Variants in PAQR6 observed in about 807,000 individuals in gnomAD.
PAQR6 encodes progestin and adipoQ receptor family member 6.
A neutral mutation model predicts 36.2 loss-of-function variants in PAQR6; 34 were observed. The ratio of observed to expected loss-of-function variants is 0.94; its 90% CI spans 0.71 to 1.25. The LOEUF (loss-of-function observed/expected upper bound fraction) is 1.25. Among genes scored for constraint, PAQR6 ranks in the 50% most tolerant of loss-of-function variants. The pLI is 0.00. For synonymous variants in PAQR6, 190 were observed against 190.7 expected (o/e 1.00, Z 0.03); for missense variants, 431 against 445.7 (o/e 0.97, Z 0.30).
rs1389268950 is a variant in PAQR6 at position 156,244,824 on chromosome 1, T to C, written c.697A>G (p.Thr233Ala). ...AGGTGGGAGGCGAAGAGGAAGCCAGTGAGCAGCGCGCAGAAGAGATGGTAG... is the reference window on the plus strand; with the variant it reads ...AGGTGGGAGGCGAAGAGGAAGCCAGCGAGCAGCGCGCAGAAGAGATGGTAG... ...HGYHLFCALL[T>A]GFLFASHLPE... Residue 233 changes from threonine to alanine, a missense_variant, in exon 7 of 8, where the codon ACT becomes GCT. Coordinates refer to ENST00000292291, the MANE Select transcript of PAQR6 (RefSeq NM_198406.3). 6.2e-7 allele frequency: 1 copy of C among 1,613,518 alleles called. No homozygotes were observed. Among genetic ancestry groups the C allele is most frequent in the Admixed American group, 1.7e-5 (1 of 60,018 alleles).
chr1:156,245,463 G>C lies in PAQR6; in HGVS notation c.512+72C>G, dbSNP rs953113645. The stretch of plus-strand genomic sequence containing the variant: ...GGTCCCGATGCCTCCAGTGCTGTTC[G>C]AGAGCAGTGAGGTGTGTCCTCTCCT... On this transcript the variant is annotated intron_variant, in intron 5 of 7. Transcript: ENST00000292291. 1.0e-5 allele frequency: 16 copies of C among 1,584,568 alleles called. No homozygotes were observed. In the East Asian group the frequency reaches 1.6e-4, roughly 16 times the overall value.
At chr1:156,245,113 G>A (rs1221438915) in intron 6 of PAQR6, 29 bp downstream of exon 6, 3 of 1,607,938 alleles carry the variant, frequency 1.9e-6, no homozygotes, top group African/African-American at 2.7e-5. Flanking sequence ...GAAAGCAGGA[G>A]TCTGGGCAGG....
chr1:156,243,439 A>C lies in PAQR6; in HGVS notation c.*690T>G. ...GTGCTTTCCAAAGTTTTATTTTTTT[A>C]TTTGTACCTGCCTTGTTCCAGAAAA... On this transcript the variant is annotated 3_prime_UTR_variant, in exon 8 of 8. Coordinates refer to ENST00000292291, the MANE Select transcript of PAQR6 (RefSeq NM_198406.3). 1 of 499,554 alleles carries C rather than the reference A, an allele frequency of 2.0e-6. No individual in the cohort carries two copies. Among genetic ancestry groups the C allele is most frequent in the Non-Finnish European group, 3.5e-6 (1 of 288,468 alleles). The allele number at this position is 499,554 out of a possible 1,614,324, so 30.9% of individuals were successfully genotyped here. A position where few individuals can be genotyped will look rare whatever the true frequency, so the allele number is the denominator to read the frequency against.
At chr1:156,247,134 C>T (rs1056729446) in intron 1 of PAQR6, among the ~76,000 whole-genome samples, 1 of 152,232 alleles carries the variant, frequency 6.6e-6, no homozygotes, top group African/African-American at 2.4e-5. Flanking sequence ...GAGTACCACT[C>T]CCTTTCCCAC....
chr1:156,245,085 C>A, intron 6 of PAQR6, 57 bp downstream of exon 6: 1 of 1,603,864 alleles, frequency 6.2e-7, no homozygotes, highest in South Asian at 1.1e-5. Flanking sequence ...GAAGTGGGCA[C>A]CTTGAGGGTC....
chr1:156,243,705 G>T lies in PAQR6; in HGVS notation c.*424C>A. On this transcript the variant is annotated 3_prime_UTR_variant, in exon 8 of 8. Transcript: ENST00000292291. ...GGGGGGGCAAGTGTGTGGCCTCTCG[G>T]CCTGGTTAGCAAGAAGCATTCAGGG... is the stretch of plus-strand genomic sequence containing the variant. The T allele has an allele frequency of 2.1e-6, 2 of 967,294 alleles. No individual in the cohort carries two copies. The highest frequency in any genetic ancestry group is 3.0e-6 in the Non-Finnish European group (2 of 662,676). The allele number at this position is 967,294 out of a possible 1,614,324, so 59.9% of individuals were successfully genotyped here. A position where few individuals can be genotyped will look rare whatever the true frequency, so the allele number is the denominator to read the frequency against.
intron 2 of PAQR6, 86 bp from the exon 3 acceptor site, chr1:156,246,336 G>T: frequency 7.7e-7 from 1 of 1,302,868 alleles, no homozygotes. Context: ...GGTCAAAGAG[G>T]CTGGGCTGGA....
intron 2 of PAQR6, 111 bp from the exon 3 acceptor site, chr1:156,246,361 C>T (rs919098268): frequency 2.0e-6 from 2 of 997,108 alleles, no homozygotes; most frequent in African/African-American, 3.2e-5. Context: ...AACGTGGCCC[C>T]CAAGCCAAAC....
intron 2 of PAQR6, 27 bp from the exon 3 acceptor site, chr1:156,246,277 C>CG (rs765223299): frequency 6.3e-7 from 1 of 1,577,990 alleles, no homozygotes; most frequent in Non-Finnish European, 8.7e-7. Context: ...AGAGGAAGGG[C>CG]GTCACTGTGC....
chr1:156,247,479 C>T (rs1339355785), intron 1 of PAQR6: 1 of 152,712 alleles, frequency 6.5e-6, no homozygotes, highest in African/African-American at 2.4e-5. Flanking sequence ...GACACTCCCC[C>T]CACCTCCCCA....
In PAQR6 at chr1:156,245,190, T is replaced by C; in HGVS notation, c.561A>G (p.Gly187=). The change falls in exon 6 of 8, where the codon GGA becomes GGG. Residue 187 remains glycine, a synonymous_variant. Transcript: ENST00000292291. The stretch of plus-strand genomic sequence containing the variant: ...CGAACAGGAATGGATAGGCGAAGGC[T>C]CCTGTGCGGAGGACCTTACTGAGCC... ...SPGLSKVLRT[G]AFAYPFLFDN... 1 of 1,614,010 alleles carries C rather than the reference T, an allele frequency of 6.2e-7. No individual in the cohort carries two copies. The highest frequency in any genetic ancestry group is 8.5e-7 in the Non-Finnish European group (1 of 1,180,014).
chr1:156,247,093 T>C, intron 1 of PAQR6, among the ~76,000 whole-genome samples: 1 of 152,192 alleles, frequency 6.6e-6, no homozygotes, highest in Non-Finnish European at 1.5e-5. Flanking sequence ...GGAAGAATCC[T>C]GACTCCTGGA....
At position 156,244,053 on chromosome 1, in the gene PAQR6, A is replaced by G; in HGVS notation, c.*76T>C. On this transcript the variant is annotated 3_prime_UTR_variant, in exon 8 of 8. Transcript: ENST00000292291. ...GGCTGAGATGCGTCCCCACCTGATT[A>G]GGCCCAAATCTGGGCTCCTCGTCAG... The G allele has an allele frequency of 6.2e-7, 1 of 1,613,982 alleles. No individual in the cohort carries two copies. Among genetic ancestry groups the G allele is most frequent in the Non-Finnish European group, 8.5e-7 (1 of 1,179,904 alleles).
chr1:156,244,934 G>T (rs1210189814), intron 6 of PAQR6, 23 bp from the exon 7 acceptor site: 1 of 1,607,712 alleles, frequency 6.2e-7, no homozygotes, highest in East Asian at 2.2e-5. Context: ...AACCAAGGCT[G>T]CTGGGGAGGG....
intron 1 of PAQR6, 100 bp from the exon 2 acceptor site, chr1:156,246,856 C>T: frequency 1.0e-6 from 1 of 982,932 alleles, no homozygotes; most frequent in Non-Finnish European, 1.5e-6. Flanking sequence ...GTGTGGGAGG[C>T]AGATGGCACC....
In PAQR6 at chr1:156,246,003, G is replaced by A; in HGVS notation, c.180-16C>T. The A allele has an allele frequency of 6.4e-7, 1 of 1,562,424 alleles. No homozygotes were observed. The highest frequency in any genetic ancestry group is 8.6e-7 in the Non-Finnish European group (1 of 1,157,604). ...CAGGAAGTACCTGCGGCGGGCGCGT[G>A]CTCAGGCCGCCGCGGACCCCCGCGA... On this transcript the variant is annotated splice_polypyrimidine_tract_variant and intron_variant, in intron 3 of 7. Coordinates refer to ENST00000292291, the MANE Select transcript of PAQR6 (RefSeq NM_198406.3).
At position 156,245,674 on chromosome 1, in the gene PAQR6, G is replaced by C. The variant is rs772873870; in HGVS notation, c.386-13C>G. The C allele has an allele frequency of 6.2e-7, 1 of 1,610,944 alleles. No homozygotes were observed. Among genetic ancestry groups the C allele is most frequent in the Non-Finnish European group, 8.5e-7 (1 of 1,178,928 alleles). ...GGGAAGGCGCAGCCTGCGGTGAGGT[G>C]GGGGCGTGCAGCTGAGGCCTGAGGG... is the stretch of plus-strand genomic sequence containing the variant. On this transcript the variant is annotated splice_polypyrimidine_tract_variant and intron_variant, in intron 4 of 7. Transcript: ENST00000292291.
chr1:156,243,962 C>T lies in PAQR6; in HGVS notation c.*167G>A, dbSNP rs748072692. 1.2e-6 allele frequency: 2 copies of T among 1,614,062 alleles called. No individual in the cohort carries two copies. Among genetic ancestry groups the T allele is most frequent in the Admixed American group, 3.3e-5 (2 of 60,006 alleles). ...TCCCTCTCACACTCTGCCAGTCCCCCTAGACACCCCTCCTCTTCTCTGCCC... is the reference window on the plus strand; with the variant it reads ...TCCCTCTCACACTCTGCCAGTCCCCTTAGACACCCCTCCTCTTCTCTGCCC... On this transcript the variant is annotated 3_prime_UTR_variant, in exon 8 of 8. Transcript: ENST00000292291.
At position 156,248,035 on chromosome 1, in the gene PAQR6, G is replaced by A. The variant is rs879808988; in HGVS notation, c.-104C>T. Reference sequence around the variant, plus strand: ...CGGGCGGAGTCCAAGGCTGCTGCCAGCCAGGCTGATGGAGGAAGAGTGGCC... The same window carrying A: ...CGGGCGGAGTCCAAGGCTGCTGCCAACCAGGCTGATGGAGGAAGAGTGGCC... On this transcript the variant is annotated 5_prime_UTR_variant, in exon 1 of 8. Transcript: ENST00000292291. 2 of 463,310 alleles carry A rather than the reference G, an allele frequency of 4.3e-6. No individual in the cohort carries two copies. The highest frequency in any genetic ancestry group is 1.6e-5 in the South Asian group (1 of 62,606). 28.7% of individuals were successfully genotyped at this position (463,310 alleles called of 1,614,324 possible).
Sources: gnomAD v4.1 joint callset for allele counts (sites outside exome capture counted in the v4.1 genomes callset) on GRCh38, gnomAD v4.1.1 for gene constraint, MANE v1.5 for transcripts, NCBI Gene and HGNC (gene_info 2026-07-23, HGNC 2026-07-21) for gene names.